Variants in TPPP observed in about 807,000 individuals in gnomAD.
The protein encoded by TPPP is tubulin polymerization-promoting protein.
TPPP carries 6 observed loss-of-function variants against 15.5 expected under a neutral mutation model. The ratio of observed to expected loss-of-function variants is 0.39; its 90% CI spans 0.21 to 0.77. The LOEUF (loss-of-function observed/expected upper bound fraction) is 0.77. Ranked by LOEUF, TPPP falls within the 30% of genes least tolerant of loss-of-function variation. TPPP has a pLI of 0.42. For synonymous variants in TPPP, 146 were observed against 133.9 expected (o/e 1.09, Z -0.63); for missense variants, 269 against 307.2 (o/e 0.88, Z 0.93).
chr5:676,943 G>A (rs968904948), intron 2 of TPPP, among the ~76,000 whole-genome samples: 4 of 148,964 alleles, frequency 2.7e-5, no homozygotes, highest in Admixed American at 6.7e-5. Flanking sequence ...CGCACACGAC[G>A]CAGAAACGCG....
intron 1 of TPPP, among the ~76,000 whole-genome samples, chr5:681,400 C>A (rs1360475560): frequency 6.6e-6 from 1 of 152,168 alleles, no homozygotes; most frequent in Non-Finnish European, 1.5e-5. Context: ...CCTGCACTCC[C>A]AGGCCTGTGC....
chr5:685,710 T>A (rs538807029), intron 1 of TPPP, among the ~76,000 whole-genome samples: 1 of 152,158 alleles, frequency 6.6e-6, no homozygotes, highest in Non-Finnish European at 1.5e-5. Flanking sequence ...TTGGCCCCCA[T>A]CTGCAGAGTG....
intron 1 of TPPP, among the ~76,000 whole-genome samples, chr5:678,985 G>T (rs2126904625): frequency 6.6e-6 from 1 of 152,262 alleles, no homozygotes; most frequent in East Asian, 1.9e-4. Flanking sequence ...CATGAAAGCT[G>T]CTTCCCAAAG....
In TPPP at chr5:666,145, A is replaced by AGGGCACAGGCGACTTC. The variant is rs3830416; in HGVS notation, c.312-23_312-22insGAAGTCGCCTGTGCCC. The AGGGCACAGGCGACTTC allele has an allele frequency of 2.5e-6, 4 of 1,606,502 alleles. No homozygotes were observed. In the African/African-American group the frequency reaches 5.3e-5, roughly 21 times the overall value. On this transcript the variant is annotated intron_variant, in intron 2 of 3. Transcript: ENST00000360578. ...CCCTCTACAGGGGCACAGGCGACTT[A>AGGGCACAGGCGACTTC]GGGCTGGGCGCGGGCCGGCCCAGGG... is the stretch of plus-strand genomic sequence containing the variant.
chr5:684,300 C>T (rs1740708324), intron 1 of TPPP, among the ~76,000 whole-genome samples: 1 of 152,234 alleles, frequency 6.6e-6, no homozygotes, highest in African/African-American at 2.4e-5. Context: ...ACAGGCACGG[C>T]ACAGCCCCAA....
intron 1 of TPPP, chr5:692,701 G>A (rs1255484689): frequency 1.0e-6 from 1 of 981,796 alleles, no homozygotes; most frequent in African/African-American, 1.8e-5. Context: ...GCCAAGACCC[G>A]GGGCAGCTGG....
chr5:696,448 G>A (rs557802791), upstream of TPPP, among the ~76,000 whole-genome samples: 46 of 146,734 alleles, frequency 3.1e-4, no homozygotes, highest in African/African-American at 9.0e-4. Flanking sequence ...GTCCTTTGAC[G>A]GCCTATAGGC....
rs745553507 is a variant in TPPP, at chr5:665,193, G to GCCTTGC, written c.563_568dup (p.Gly188_Lys189dup). 41 of 1,613,696 alleles carry GCCTTGC rather than the reference G, an allele frequency of 2.5e-5. No homozygotes were observed. Among genetic ancestry groups the GCCTTGC allele is most frequent in the South Asian group, 3.3e-5 (3 of 91,086 alleles). Reference sequence around the variant, plus strand: ...CTCGTCCACCAGATCCACGCGGCCAGCCTTGCCCTTGCCCTTGCCAGAGGG... The same window carrying GCCTTGC: ...CTCGTCCACCAGATCCACGCGGCCAGCCTTGCCCTTGCCCTTGCCCTTGCCAGAGGG... On this transcript the variant is annotated inframe_insertion, in exon 4 of 4. Transcript: ENST00000360578.
chr5:695,688 C>G (rs1296692428), upstream of TPPP, among the ~76,000 whole-genome samples: 1 of 151,708 alleles, frequency 6.6e-6, no homozygotes, highest in African/African-American at 2.4e-5. Flanking sequence ...CCTCCTCCCC[C>G]GAGTTAGTGT....
In TPPP at chr5:678,067, A is replaced by G. The variant is rs554420533; in HGVS notation, c.-4-3T>C. 1.2e-5 allele frequency: 19 copies of G among 1,537,886 alleles called. No homozygotes were observed. Among genetic ancestry groups the G allele is most frequent in the Non-Finnish European group, 1.6e-5 (18 of 1,141,626 alleles). The stretch of plus-strand genomic sequence containing the variant: ...GCTTGGCCTTGTCAGCCATGTTGCT[A>G]TGGAGGAAGGAGAGGAGAAAGGTGT... On this transcript the variant is annotated splice_polypyrimidine_tract_variant and splice_region_variant and intron_variant, in intron 1 of 3. Transcript: ENST00000360578.
Position 663,430 on chromosome 5 carries a change from A to G in TPPP, c.*1672T>C, listed in dbSNP as rs1455326399. On this transcript the variant is annotated 3_prime_UTR_variant, in exon 4 of 4. Coordinates refer to ENST00000360578, the MANE Select transcript of TPPP (RefSeq NM_007030.3). ...TTTATTTCCAGGCACTGAACTTCCCAGCCCTGCCGTGGAAGCTGCCTGCCA... is the reference window on the plus strand; with the variant it reads ...TTTATTTCCAGGCACTGAACTTCCCGGCCCTGCCGTGGAAGCTGCCTGCCA... 1 of 152,370 alleles carries G rather than the reference A, an allele frequency of 6.6e-6. No homozygotes were observed. The highest frequency in any genetic ancestry group is 1.5e-5 in the Non-Finnish European group (1 of 68,106). The allele number at this position is 152,370 out of a possible 1,614,324, so 9.4% of individuals were successfully genotyped here.
At chr5:675,488 A>G (rs7701073) in intron 2 of TPPP, among the ~76,000 whole-genome samples, 567 of 25,814 alleles carry the variant, frequency 0.022, 24 homozygotes, top group African/African-American at 0.14. Context: ...GGCCAGGGGT[A>G]CATTGTGGCC....
rs1264359650 is a variant in TPPP, at chr5:664,551, C to T, written c.*551G>A. 1 of 155,508 alleles carries T rather than the reference C, an allele frequency of 6.4e-6. No homozygotes were observed. The highest frequency in any genetic ancestry group is 2.0e-4 in the South Asian group (1 of 5,008). 9.6% of individuals were successfully genotyped at this position (155,508 alleles called of 1,614,324 possible). A position where few individuals can be genotyped will look rare whatever the true frequency, so the allele number is the denominator to read the frequency against. On this transcript the variant is annotated 3_prime_UTR_variant, in exon 4 of 4. Transcript: ENST00000360578. ...ACATGTGCCAGGCGCCCAGCACCCC[C>T]GCCAGGTGGCCTCACTCTGCCCTCT...
chr5:668,230 CGTGTGG>C (rs1740020904), intron 2 of TPPP, among the ~76,000 whole-genome samples: 2 of 93,694 alleles, frequency 2.1e-5, no homozygotes, highest in Non-Finnish European at 4.3e-5. Flanking sequence ...GAGAGGGGGC[CGTGTGG>C]GCGCCGTCAG....
chr5:670,453 T>A (rs1453500433), intron 2 of TPPP, among the ~76,000 whole-genome samples: 3 of 152,010 alleles, frequency 2.0e-5, no homozygotes, highest in Non-Finnish European at 4.4e-5. Context: ...TAGGCGAGTC[T>A]GAGAGAGAGG....
At position 665,240 on chromosome 5, in the gene TPPP, G is replaced by A. The variant is rs756629856; in HGVS notation, c.522C>T (p.Gly174=). The A allele has an allele frequency of 6.2e-7, 1 of 1,613,776 alleles. No individual in the cohort carries two copies. The highest frequency in any genetic ancestry group is 8.5e-7 in the Non-Finnish European group (1 of 1,179,940). Residue 174 remains glycine, a synonymous_variant, in exon 4 of 4, where the codon GGC becomes GGT. Coordinates refer to ENST00000360578, the MANE Select transcript of TPPP (RefSeq NM_007030.3). ...SRLTDTTKFT[G]SHKERFDPSG... ...AGGGGTCGAAGCGCTCCTTGTGGGA[G>A]CCCGTGAACTTGGTGGTGTCCGTGA...
chr5:686,393 G>A (rs560653711), intron 1 of TPPP, among the ~76,000 whole-genome samples: 28 of 152,216 alleles, frequency 1.8e-4, no homozygotes, highest in Middle Eastern at 6.8e-3. Context: ...CTCTCAAGGG[G>A]GCAGAGCAGG....
rs1382131562 is a variant in TPPP, at chr5:670,687, C to A, written c.312-4564G>T. On this transcript the variant is annotated intron_variant, in intron 2 of 3. Coordinates refer to ENST00000360578, the MANE Select transcript of TPPP (RefSeq NM_007030.3). ...CTGCTCCAGGAGGGTCCAGTGGTCC[C>A]GTTCCAGCAGGACCCAGCCTTGGGG... Among the ~76,000 whole-genome samples, 7 of 152,172 alleles carry A rather than the reference C, an allele frequency of 4.6e-5. No individual in the cohort carries two copies. In the East Asian group the frequency reaches 9.6e-4, roughly 21 times the overall value.
rs144516308 is a variant in TPPP, at chr5:677,477, C to T, written c.311+273G>A. Among the ~76,000 whole-genome samples, 895 of 152,312 alleles carry T rather than the reference C, an allele frequency of 5.9e-3. 37 individuals are homozygous for T. Among genetic ancestry groups the T allele is most frequent in the Admixed American group, 0.054 (833 of 15,304 alleles). ...TCCCCTCATAGGCCACCTCCCATGC[C>T]GAAACCCTACACACCCACGGGGCTG... On this transcript the variant is annotated intron_variant, in intron 2 of 3. Transcript: ENST00000360578.
Sources: allele counts gnomAD v4.1 joint callset (sites outside exome capture counted in the v4.1 genomes callset), GRCh38; gene constraint gnomAD v4.1.1; transcripts MANE v1.5; gene names NCBI Gene and HGNC (gene_info 2026-07-23, HGNC 2026-07-21).